The following MAPK8IP1 variants were observed in gnomAD, a reference collection of about 807,000 sequenced individuals.
MAPK8IP1 encodes C-Jun-amino-terminal kinase-interacting protein 1.
Under a neutral mutation model 72.6 loss-of-function variants are expected in MAPK8IP1, and 17 were observed. The ratio of observed to expected loss-of-function variants is 0.23; its 90% confidence interval spans 0.16 to 0.35. MAPK8IP1 has a LOEUF of 0.35. MAPK8IP1 is among the 10% of genes least tolerant of loss of function. MAPK8IP1 has a pLI of 1.00. For synonymous variants in MAPK8IP1, 401 were observed against 443.4 expected, an observed-to-expected ratio of 0.90 and a Z score of 1.20; for missense variants, 789 against 1,009.7, an observed-to-expected ratio of 0.78 and a Z score of 2.96.
At chr11:45,891,552 C>T (rs1232619687) in intron 1 of MAPK8IP1, among the ~76,000 whole-genome samples, 1 of 152,180 alleles carries the variant, frequency 6.6e-6, no homozygotes, top group Admixed American at 6.5e-5. Flanking sequence ...GGGCAGGCAG[C>T]CCAGCAGCAG....
chr11:45,891,246 C>T (rs2086564187), intron 1 of MAPK8IP1, among the ~76,000 whole-genome samples: 1 of 152,206 alleles, frequency 6.6e-6, no homozygotes, highest in South Asian at 2.1e-4. Context: ...ACCATCCACA[C>T]GTAGTTCTTA....
rs1260276071 is a variant in MAPK8IP1 at position 45,892,255 on chromosome 11, G to A, written c.102-5830G>A. Among the ~76,000 whole-genome samples the A allele has an allele frequency of 8.5e-5, 13 of 152,156 alleles. 1 individual carries two copies. In the South Asian group the frequency reaches 1.0e-3, roughly 12 times the overall value. ...CCACCCCACCGTTTCAGCCAGCACC[G>A]TCTTCCCAGAGGACCTGACATCCTA... On this transcript the variant is annotated intron_variant, in intron 1 of 11. Coordinates refer to ENST00000241014, the MANE Select transcript of MAPK8IP1 (RefSeq NM_005456.4).
intron 3 of MAPK8IP1, 104 bp from the exon 4 acceptor site, chr11:45,901,876 C>G: frequency 1.2e-6 from 1 of 865,870 alleles, no homozygotes; most frequent in South Asian, 1.3e-5. Context: ...GGGGTGGACA[C>G]AGCAAATGGC....
At chr11:45,905,483 G>A (rs1249887309) in intron 11 of MAPK8IP1, among the ~76,000 whole-genome samples, 166 bp from the exon 12 acceptor site, 1 of 152,226 alleles carries the variant, frequency 6.6e-6, no homozygotes, top group Non-Finnish European at 1.5e-5. Context: ...CATCTTACTG[G>A]GAAACGCGAT....
chr11:45,896,966 G>T, intron 1 of MAPK8IP1: 1 of 1,561,908 alleles, frequency 6.4e-7, no homozygotes, highest in Non-Finnish European at 8.7e-7. Flanking sequence ...GGCTACCGGG[G>T]CTGGCGGGGG....
Position 45,902,221 on chromosome 11 carries a change from T to G in MAPK8IP1, c.605-151T>G. ...CCAGGGGCTGAGATCAGTGGTGGCA[T>G]GAGTGAGTTGACTGGCCCCAGAGCC... is the stretch of plus-strand genomic sequence containing the variant. On this transcript the variant is annotated intron_variant, in intron 4 of 11. Coordinates refer to ENST00000241014, the MANE Select transcript of MAPK8IP1 (RefSeq NM_005456.4). The surrounding 1 kb of genome is among the most constrained non-coding windows in gnomAD (Gnocchi z 9.3). The G allele has an allele frequency of 1.1e-6, 1 of 949,356 alleles. No homozygotes were observed. Among genetic ancestry groups the G allele is most frequent in the Non-Finnish European group, 1.7e-6 (1 of 590,362 alleles). 58.8% of individuals were successfully genotyped at this position (949,356 alleles called of 1,614,324 possible). A position where few individuals can be genotyped will look rare whatever the true frequency, so the allele number is the denominator to read the frequency against.
In MAPK8IP1 at chr11:45,903,027, C is replaced by T. The variant is rs747633642; in HGVS notation, c.1260C>T (p.Ser420=). ...ATVYDNCASV[S]SPYESAIGEE... ...TCTATGACAACTGTGCCTCCGTCTC[C>T]TCGCCCTATGAGTCGGCCATCGGAG... The change falls in exon 5 of 12, where the codon TCC becomes TCT. Residue 420 remains serine, a synonymous_variant. Coordinates refer to ENST00000241014, the MANE Select transcript of MAPK8IP1 (RefSeq NM_005456.4). This position sits in a 1 kb window ranked among gnomAD's most constrained non-coding sequence, Gnocchi z 6.4. The T allele has an allele frequency of 6.2e-6, 10 of 1,611,728 alleles. No homozygotes were observed. The highest frequency in any genetic ancestry group is 2.7e-5 in the African/African-American group (2 of 74,996).
At chr11:45,897,331 G>C (rs1023534836) in intron 1 of MAPK8IP1, among the ~76,000 whole-genome samples, 1 of 152,134 alleles carries the variant, frequency 6.6e-6, no homozygotes, top group Non-Finnish European at 1.5e-5. Flanking sequence ...GGAGAGGGGG[G>C]TTCTAGTGGA....
intron 1 of MAPK8IP1, among the ~76,000 whole-genome samples, chr11:45,896,347 T>C (rs2086605349): frequency 6.6e-6 from 1 of 152,224 alleles, no homozygotes; most frequent in Non-Finnish European, 1.5e-5. Context: ...CGAGTGTTCA[T>C]TCTTAGGGTG....
At chr11:45,886,061 A>C in intron 1 of MAPK8IP1, 140 bp downstream of exon 1, 1 of 475,068 alleles carries the variant, frequency 2.1e-6, no homozygotes, top group Non-Finnish European at 3.6e-6. Flanking sequence ...TTCCCGGGAC[A>C]GAGCCCCCCT....
chr11:45,903,569 G>A lies in MAPK8IP1; in HGVS notation c.1493+129G>A. The A allele has an allele frequency of 2.5e-6, 2 of 800,700 alleles. No individual in the cohort carries two copies. The highest frequency in any genetic ancestry group is 2.0e-5 in the Admixed American group (1 of 49,810). 49.6% of individuals were successfully genotyped at this position (800,700 alleles called of 1,614,324 possible). On this transcript the variant is annotated intron_variant, in intron 6 of 11. Coordinates refer to ENST00000241014, the MANE Select transcript of MAPK8IP1 (RefSeq NM_005456.4). This position sits in a 1 kb window ranked among gnomAD's most constrained non-coding sequence, Gnocchi z 6.4. The stretch of plus-strand genomic sequence containing the variant: ...GCCTTCATTTATCCACTCAGCCCTG[G>A]GAGGACAGTGTCCACTCTCTAGGGA...
chr11:45,905,553 G>C, intron 11 of MAPK8IP1, 96 bp from the exon 12 acceptor site: 1 of 1,106,374 alleles, frequency 9.0e-7, no homozygotes, highest in Non-Finnish European at 1.4e-6. Flanking sequence ...AGCTGCACTT[G>C]GGCCCCAAGG....
chr11:45,894,472 G>A (rs148728239), intron 1 of MAPK8IP1, among the ~76,000 whole-genome samples: 1 of 151,850 alleles, frequency 6.6e-6, no homozygotes, highest in East Asian at 1.9e-4. Flanking sequence ...CCCAATTAAA[G>A]CCCAGTGCCC....
chr11:45,901,841 G>C, intron 3 of MAPK8IP1, 139 bp from the exon 4 acceptor site: 2 of 781,796 alleles, frequency 2.6e-6, no homozygotes, highest in Non-Finnish European at 4.7e-6. Context: ...GGAGAGTTAC[G>C]AGTGAGGCCT....
At chr11:45,895,668 A>C (rs1346691361) in intron 1 of MAPK8IP1, among the ~76,000 whole-genome samples, 1 of 148,430 alleles carries the variant, frequency 6.7e-6, no homozygotes, top group Admixed American at 6.8e-5. Context: ...ATATGTGCAG[A>C]GGTCACTGGC....
intron 1 of MAPK8IP1, chr11:45,896,984 C>T (rs762841298): frequency 1.4e-5 from 21 of 1,552,946 alleles, no homozygotes; most frequent in South Asian, 1.2e-4. Flanking sequence ...GGGTGGAGAC[C>T]GAGTTGGGGT....
chr11:45,896,980 A>G, intron 1 of MAPK8IP1: 1 of 1,554,940 alleles, frequency 6.4e-7, no homozygotes, highest in Non-Finnish European at 8.7e-7. Context: ...GCGGGGGTGG[A>G]GACCGAGTTG....
At chr11:45,886,881 G>A (rs931905477) in intron 1 of MAPK8IP1, among the ~76,000 whole-genome samples, 1 of 152,088 alleles carries the variant, frequency 6.6e-6, no homozygotes, top group South Asian at 2.1e-4. Flanking sequence ...GGCTCCAGCT[G>A]GGCTGTGGTG....
chr11:45,887,621 A>T (rs1227760469), intron 1 of MAPK8IP1, among the ~76,000 whole-genome samples: 1 of 152,168 alleles, frequency 6.6e-6, no homozygotes, highest in Non-Finnish European at 1.5e-5. Flanking sequence ...TTCTTCCTCG[A>T]CCTGCTTCCC....
Sources: allele counts gnomAD v4.1 joint callset (sites outside exome capture counted in the v4.1 genomes callset), GRCh38; gene constraint gnomAD v4.1.1; non-coding constraint Gnocchi (gnomAD v3.1); transcripts MANE v1.5; gene names NCBI Gene and HGNC (gene_info 2026-07-23, HGNC 2026-07-21).